Variants in ENOX2 observed in about 807,000 individuals in gnomAD.
The protein encoded by ENOX2 is APK1 antigen.
Under a neutral mutation model 45.0 loss-of-function variants are expected in ENOX2, and 36 were observed. That is an observed-to-expected ratio of 0.80 (90% CI 0.61 to 1.06). The LOEUF (loss-of-function observed/expected upper bound fraction) is 1.06, where lower values mean the gene tolerates loss of function less well. Ranked by LOEUF, ENOX2 falls within the 50% of genes least tolerant of loss-of-function variation. The pLI, the probability that ENOX2 is intolerant of heterozygous loss-of-function variation, is 0.00. For synonymous variants in ENOX2, 174 were observed against 152.3 expected (o/e 1.14, Z -1.05); for missense variants, 423 against 462.5 (o/e 0.91, Z 0.78).
At chrX:130,702,721 G>A (rs941060629) in intron 4 of ENOX2, among the ~76,000 whole-genome samples, 6 of 111,480 alleles carry the variant, frequency 5.4e-5, no homozygotes, top group African/African-American at 2.0e-4. Context: ...GTCCTCCACC[G>A]TCTCCTTTCC....
intron 3 of ENOX2, among the ~76,000 whole-genome samples, chrX:130,765,404 A>G (rs1287398891): frequency 9.0e-6 from 1 of 111,285 alleles, no homozygotes; most frequent in East Asian, 2.8e-4. Flanking sequence ...GTTTTATTAT[A>G]CCTATATGTA....
chrX:130,803,015 T>C (rs988245844), intron 2 of ENOX2, among the ~76,000 whole-genome samples: 1 of 112,070 alleles, frequency 8.9e-6, no homozygotes, highest in Admixed American at 9.5e-5. Context: ...AATGAAGGCA[T>C]GAATGAGTAT....
intron 2 of ENOX2, among the ~76,000 whole-genome samples, chrX:130,881,245 C>T (rs1458733193): frequency 1.8e-5 from 2 of 112,636 alleles, no homozygotes; most frequent in Admixed American, 1.9e-4. Context: ...CATCATCTAA[C>T]ACAGTTCCAT....
intron 2 of ENOX2, among the ~76,000 whole-genome samples, chrX:130,872,009 T>C (rs1344998334): frequency 3.6e-5 from 4 of 112,097 alleles, no homozygotes; most frequent in Non-Finnish European, 7.5e-5. Flanking sequence ...TTGTCCATTT[T>C]AGACAATGGT....
At chrX:130,660,190 A>G (rs1184798961) in intron 9 of ENOX2, among the ~76,000 whole-genome samples, 1 of 111,560 alleles carries the variant, frequency 9.0e-6, no homozygotes, top group Non-Finnish European at 1.9e-5. Flanking sequence ...GCTACAAAGA[A>G]ACTCAGGCTC....
chrX:130,681,557 A>G (rs1012077164), intron 5 of ENOX2, among the ~76,000 whole-genome samples: 12 of 112,013 alleles, frequency 1.1e-4, no homozygotes, highest in Non-Finnish European at 9.4e-5. Context: ...AGGAACATGA[A>G]CTTGGAGCAG....
intron 2 of ENOX2, among the ~76,000 whole-genome samples, chrX:130,801,221 C>T (rs181873734): frequency 8.9e-6 from 1 of 112,516 alleles, no homozygotes; most frequent in East Asian, 2.8e-4. Flanking sequence ...TGACATCATC[C>T]TAGAATAACA....
intron 2 of ENOX2, among the ~76,000 whole-genome samples, chrX:130,816,974 C>G (rs1193108032): frequency 2.7e-5 from 3 of 111,756 alleles, no homozygotes; most frequent in African/African-American, 9.8e-5. Flanking sequence ...ATCAATGAAT[C>G]CAGGAGCTGA....
chrX:130,668,839 G>C (rs1159545946), intron 7 of ENOX2, among the ~76,000 whole-genome samples: 1 of 111,913 alleles, frequency 8.9e-6, no homozygotes, highest in Non-Finnish European at 1.9e-5. Context: ...TTCTCTTGAA[G>C]GTCACACACC....
intron 3 of ENOX2, among the ~76,000 whole-genome samples, chrX:130,706,976 G>A (rs778271718): frequency 1.6e-4 from 18 of 112,365 alleles, no homozygotes; most frequent in Non-Finnish European, 3.2e-4. Context: ...GATCACCTCT[G>A]GCAGTAATCT....
intron 3 of ENOX2, among the ~76,000 whole-genome samples, chrX:130,742,300 T>C (rs1475685769): frequency 1.0e-5 from 1 of 98,445 alleles, no homozygotes; most frequent in African/African-American, 3.8e-5. Flanking sequence ...GAATGACATC[T>C]TTACAGTGAA....
intron 2 of ENOX2, among the ~76,000 whole-genome samples, chrX:130,839,681 G>C (rs939340855): frequency 2.4e-4 from 27 of 110,885 alleles, no homozygotes; most frequent in Non-Finnish European, 4.7e-4. Context: ...TACAACAGAG[G>C]GCTGTATTGA....
intron 3 of ENOX2, among the ~76,000 whole-genome samples, chrX:130,747,090 G>C (rs772530091): frequency 8.0e-5 from 9 of 112,111 alleles, no homozygotes; most frequent in Non-Finnish European, 1.5e-4. Flanking sequence ...GCTGCTTTTA[G>C]GTTTGGGTGG....
chrX:130,717,458 C>T (rs1313213653), intron 3 of ENOX2, among the ~76,000 whole-genome samples: 1 of 111,831 alleles, frequency 8.9e-6, no homozygotes, highest in Non-Finnish European at 1.9e-5. Flanking sequence ...AGCTGAAATA[C>T]TCAAAGACCC....
intron 2 of ENOX2, among the ~76,000 whole-genome samples, chrX:130,791,174 C>T (rs2077036415): frequency 9.0e-6 from 1 of 111,136 alleles, no homozygotes; most frequent in Non-Finnish European, 1.9e-5. Flanking sequence ...TGAATGTTAG[C>T]CTATACTTTT....
chrX:130,655,428 T>C (rs192403060), intron 10 of ENOX2, among the ~76,000 whole-genome samples: 11 of 111,804 alleles, frequency 9.8e-5, no homozygotes, highest in Non-Finnish European at 1.5e-4. Flanking sequence ...GACTTCACTA[T>C]ACAAGCACTG....
intron 2 of ENOX2, among the ~76,000 whole-genome samples, chrX:130,846,499 G>A (rs967789076): frequency 9.0e-6 from 1 of 111,014 alleles, no homozygotes; most frequent in Admixed American, 9.5e-5. Flanking sequence ...CACCACGCCC[G>A]CCTAATTTTG....
At chrX:130,751,245 T>C (rs879047177) in intron 3 of ENOX2, among the ~76,000 whole-genome samples, 1 of 112,080 alleles carries the variant, frequency 8.9e-6, no homozygotes, top group African/African-American at 3.2e-5. Context: ...ATCTACTTTC[T>C]GTCTCCATGG....
At chrX:130,705,602 CCTT>C (rs1263712195) in intron 3 of ENOX2, among the ~76,000 whole-genome samples, 1 of 111,816 alleles carries the variant, frequency 8.9e-6, no homozygotes, top group Non-Finnish European at 1.9e-5. Flanking sequence ...CTTTAAATGT[CCTT>C]CTTATCTCCC....
Sources: allele counts gnomAD v4.1 joint callset (sites outside exome capture counted in the v4.1 genomes callset), GRCh38; gene constraint gnomAD v4.1.1; transcripts MANE v1.5; gene names NCBI Gene and HGNC (gene_info 2026-07-23, HGNC 2026-07-21).